The following LIN7A variants were observed in gnomAD, a reference collection of about 807,000 sequenced individuals.
LIN7A encodes the protein lin-7 cell polarity scaffold A, also known as protein lin-7 homolog A.
A neutral mutation model predicts 29.8 loss-of-function variants in LIN7A; 25 were observed. That is an observed-to-expected ratio of 0.84 (90% CI 0.61 to 1.17). The LOEUF (loss-of-function observed/expected upper bound fraction) is 1.17, where lower values mean the gene tolerates loss of function less well. Among genes scored for constraint, LIN7A ranks in the 50% most tolerant of loss-of-function variants. The probability of loss-of-function intolerance (pLI) is 0.00; values close to 1 mark genes in which losing one functional copy is unlikely to be tolerated. For missense variants in LIN7A, 239 were observed against 287.0 expected, an observed-to-expected ratio of 0.83 and a Z score of 1.21; for synonymous variants, 118 against 107.5, an observed-to-expected ratio of 1.10 and a Z score of -0.60.
At chr12:80,892,447 G>A (rs1282820575) in intron 1 of LIN7A, among the ~76,000 whole-genome samples, 1 of 152,080 alleles carries the variant, frequency 6.6e-6, no homozygotes, top group Non-Finnish European at 1.5e-5. Context: ...TCTGGACTAG[G>A]AGAAAAAGGC....
chr12:80,887,722 T>A (rs761062117), intron 2 of LIN7A, among the ~76,000 whole-genome samples: 2 of 152,116 alleles, frequency 1.3e-5, no homozygotes, highest in Admixed American at 6.6e-5. Context: ...TTTATCATAG[T>A]TTTCTCCCAC....
intron 2 of LIN7A, among the ~76,000 whole-genome samples, chr12:80,854,488 A>AC (rs1873500003): frequency 7.0e-6 from 1 of 143,412 alleles, no homozygotes; most frequent in African/African-American, 2.8e-5. Context: ...TGCTAAGCCA[A>AC]AAAAAAAAAA....
chr12:80,933,654 C>G (rs535790112), intron 1 of LIN7A, among the ~76,000 whole-genome samples: 1 of 152,296 alleles, frequency 6.6e-6, no homozygotes, highest in African/African-American at 2.4e-5. Flanking sequence ...TCTTCCCTCT[C>G]TCACTTTTTC....
intron 1 of LIN7A, among the ~76,000 whole-genome samples, chr12:80,908,650 C>G (rs1419393764): frequency 6.6e-6 from 1 of 152,012 alleles, no homozygotes. Context: ...CTTTTTAAAG[C>G]TCATACACAA....
intron 1 of LIN7A, among the ~76,000 whole-genome samples, chr12:80,890,189 G>T (rs943175696): frequency 6.6e-6 from 1 of 152,020 alleles, no homozygotes. Flanking sequence ...AAATTCCCTG[G>T]ATTATTTCAT....
chr12:80,907,055 C>CTG (rs529376132), intron 1 of LIN7A, among the ~76,000 whole-genome samples: 2,562 of 145,294 alleles, frequency 0.018, 36 homozygotes, highest in African/African-American at 0.049. Context: ...AGTGCGTGCT[C>CTG]TGTGTGTGTG....
chr12:80,843,764 C>T (rs1872932077), intron 4 of LIN7A, among the ~76,000 whole-genome samples: 1 of 152,020 alleles, frequency 6.6e-6, no homozygotes, highest in Non-Finnish European at 1.5e-5. Context: ...GGATACTAAT[C>T]CATAATCATA....
intron 4 of LIN7A, among the ~76,000 whole-genome samples, chr12:80,815,727 C>G (rs1404876661): frequency 6.6e-6 from 1 of 152,118 alleles, no homozygotes; most frequent in Non-Finnish European, 1.5e-5. Flanking sequence ...ACCCCCTCCT[C>G]CATTTAAAAG....
chr12:80,845,712 GTTATT>G lies in LIN7A; in HGVS notation c.483+13_483+17del. 2 of 1,591,700 alleles carry G rather than the reference GTTATT, an allele frequency of 1.3e-6. No individual in the cohort carries two copies. The highest frequency in any genetic ancestry group is 2.3e-5 in the South Asian group (2 of 87,458). Reference sequence around the variant, plus strand: ...AATGTGCTTAAGGAGAAAATCTCTGGTTATTTTATAAACATACCACTCCGTTCACT... The same window carrying G: ...AATGTGCTTAAGGAGAAAATCTCTGGTTATAAACATACCACTCCGTTCACT... On this transcript the variant is annotated intron_variant, in intron 4 of 5. Transcript: ENST00000552864.
At chr12:80,840,369 C>T (rs748726989) in intron 4 of LIN7A, among the ~76,000 whole-genome samples, 3 of 152,150 alleles carry the variant, frequency 2.0e-5, no homozygotes, top group Non-Finnish European at 2.9e-5. Context: ...GTTATGATTG[C>T]AGTAAAGGTT....
intron 1 of LIN7A, among the ~76,000 whole-genome samples, chr12:80,900,183 G>A (rs1020536242): frequency 6.6e-6 from 1 of 151,996 alleles, no homozygotes; most frequent in South Asian, 2.1e-4. Context: ...TAGGTAGCAC[G>A]CTTTCTATCT....
rs984199797 is a variant in LIN7A, at chr12:80,899,149, G to A, written c.83-9780C>T. 2.6e-5 allele frequency among the ~76,000 whole-genome samples: 4 copies of A among 152,036 alleles called. No individual in the cohort carries two copies. In the South Asian group the frequency reaches 6.2e-4, roughly 24 times the overall value. ...GATGGCTCTTATTATTTTGAAGTAC[G>A]TTTCCTCAATGCCCAGTTTGTTGGA... On this transcript the variant is annotated intron_variant, in intron 1 of 5. Transcript: ENST00000552864.
chr12:80,898,620 T>A (rs1184775), intron 1 of LIN7A, among the ~76,000 whole-genome samples: 103,413 of 143,018 alleles, frequency 0.72, 39,140 homozygotes, highest in Non-Finnish European at 0.88. Context: ...ATGAGCAGAG[T>A]ATGTTTTTTC....
In LIN7A at chr12:80,862,977, C is replaced by T. The variant is rs184956935; in HGVS notation, c.202-14655G>A. ...ATACTCTTCACAGAGAGGAGTTTTC[C>T]ATTACATCTTTTCTCATGTGTTCTG... is the stretch of plus-strand genomic sequence containing the variant. On this transcript the variant is annotated intron_variant, in intron 2 of 5. Coordinates refer to ENST00000552864, the MANE Select transcript of LIN7A (RefSeq NM_004664.4). Among the ~76,000 whole-genome samples the T allele has an allele frequency of 2.4e-3, 371 of 152,340 alleles. 1 individual carries two copies. Among genetic ancestry groups the T allele is most frequent in the Non-Finnish European group, 4.2e-3 (289 of 68,032 alleles).
intron 2 of LIN7A, among the ~76,000 whole-genome samples, chr12:80,854,050 T>C (rs1437466290): frequency 6.6e-6 from 1 of 152,204 alleles, no homozygotes; most frequent in African/African-American, 2.4e-5. Context: ...TACAGCTATT[T>C]GAGAAAACAG....
chr12:80,906,937 C>T (rs1876506906), intron 1 of LIN7A, among the ~76,000 whole-genome samples: 2 of 152,124 alleles, frequency 1.3e-5, no homozygotes, highest in African/African-American at 4.8e-5. Context: ...ATCAGACTTC[C>T]TGGCTCCAAT....
intron 5 of LIN7A, among the ~76,000 whole-genome samples, chr12:80,808,448 T>G (rs1271306404): frequency 6.6e-6 from 1 of 152,190 alleles, no homozygotes; most frequent in Non-Finnish European, 1.5e-5. Context: ...AAACAGTGCC[T>G]CGCTTGTAAC....
intron 5 of LIN7A, among the ~76,000 whole-genome samples, chr12:80,807,077 T>TTTTTTTTTTTTTTTTTTTTTTTTTTTG (rs1871053026): frequency 1.7e-5 from 2 of 115,558 alleles, no homozygotes; most frequent in East Asian, 2.6e-4. Flanking sequence ...TTTTTTTTTT[T>TTTTTTTTTTTTTTTTTTTTTTTTTTTG]TTTTTTTTTT....
chr12:80,853,256 A>T (rs1444207575), intron 2 of LIN7A, among the ~76,000 whole-genome samples: 1 of 152,096 alleles, frequency 6.6e-6, no homozygotes, highest in Non-Finnish European at 1.5e-5. Flanking sequence ...TGAAACTTAT[A>T]ATTTTGTCCA....
Sources: allele counts gnomAD v4.1 joint callset (sites outside exome capture counted in the v4.1 genomes callset), GRCh38; gene constraint gnomAD v4.1.1; transcripts MANE v1.5; gene names NCBI Gene and HGNC (gene_info 2026-07-23, HGNC 2026-07-21).